Variants in PDE10A observed in about 807,000 individuals in gnomAD.
The protein encoded by PDE10A is cAMP and cAMP-inhibited cGMP 3',5'-cyclic phosphodiesterase 10A.
PDE10A carries 39 observed loss-of-function variants against 97.7 expected under a neutral mutation model. The observed-to-expected ratio is 0.40, with a 90% CI of 0.31 to 0.52. PDE10A has a LOEUF of 0.52. Among genes scored for constraint, PDE10A ranks in the 20% least tolerant of loss-of-function variants. PDE10A has a pLI of 0.56. For missense variants in PDE10A, 731 were observed against 1,047.8 expected, an observed-to-expected ratio of 0.70 and a Z score of 4.17; for synonymous variants, 371 against 376.8, an observed-to-expected ratio of 0.98 and a Z score of 0.18.
intron 1 of PDE10A, among the ~76,000 whole-genome samples, chr6:165,644,436 G>A (rs1157624578): frequency 2.0e-5 from 3 of 152,194 alleles, no homozygotes; most frequent in Non-Finnish European, 4.4e-5. Context: ...TTGGAAGTGG[G>A]TGTGCCCATA....
intron 1 of PDE10A, among the ~76,000 whole-genome samples, chr6:165,633,041 C>T (rs932749325): frequency 1.4e-5 from 2 of 147,870 alleles, no homozygotes; most frequent in African/African-American, 5.0e-5. Context: ...CTGGAAATAG[C>T]ATACCATACT....
intron 13 of PDE10A, among the ~76,000 whole-genome samples, chr6:165,410,161 T>C (rs534109248): frequency 1.3e-5 from 1 of 77,958 alleles, no homozygotes; most frequent in African/African-American, 4.8e-5. Context: ...CAAATTGCTG[T>C]AATACAAAGC....
rs150000526 is a variant in PDE10A at position 165,858,567 on chromosome 6, C to T, written c.-615+128962G>A. The stretch of plus-strand genomic sequence containing the variant: ...CTTCCCCATCTCTCAGGATTGCCCC[C>T]GAGGTCCACAGCAGATAAGATCACA... On this transcript the variant is annotated intron_variant, in intron 1 of 19. Coordinates refer to the PDE10A transcript ENST00000366882. Among the ~76,000 whole-genome samples the T allele has an allele frequency of 4.1e-3, 623 of 152,314 alleles. 3 individuals are homozygous for T. The highest frequency in any genetic ancestry group is 6.6e-3 in the Non-Finnish European group (448 of 68,030).
intron 1 of PDE10A, among the ~76,000 whole-genome samples, chr6:165,833,099 T>C (rs1248720123): frequency 6.6e-6 from 1 of 152,262 alleles, no homozygotes; most frequent in African/African-American, 2.4e-5. Context: ...TTTATTCTCC[T>C]ATTTGGTTAT....
intron 10 of PDE10A, among the ~76,000 whole-genome samples, chr6:165,420,018 A>C (rs1788583258): frequency 6.6e-6 from 1 of 152,194 alleles, no homozygotes; most frequent in African/African-American, 2.4e-5. Flanking sequence ...GGCTGTGCCC[A>C]CTACGCAGGG....
chr6:165,552,152 G>A (rs1784050534), intron 1 of PDE10A, among the ~76,000 whole-genome samples: 1 of 152,078 alleles, frequency 6.6e-6, no homozygotes. Flanking sequence ...TACACTTCAA[G>A]ACAGTCATCA....
chr6:165,658,421 C>G (rs1790071774), intron 1 of PDE10A, among the ~76,000 whole-genome samples: 1 of 152,138 alleles, frequency 6.6e-6, no homozygotes, highest in Non-Finnish European at 1.5e-5. Context: ...TCCTCCTTGA[C>G]CAGCCGGGGT....
intron 6 of PDE10A, among the ~76,000 whole-genome samples, chr6:165,434,816 C>T (rs1351207301): frequency 6.6e-6 from 1 of 152,176 alleles, no homozygotes; most frequent in East Asian, 1.9e-4. Flanking sequence ...CAGTCCAGAC[C>T]AGCAGAATAA....
chr6:165,432,214 T>C (rs981644316), intron 7 of PDE10A, among the ~76,000 whole-genome samples: 11 of 152,208 alleles, frequency 7.2e-5, no homozygotes, highest in East Asian at 1.9e-4. Context: ...ACAGGTGCTA[T>C]AGAGAAAAAG....
intron 1 of PDE10A, among the ~76,000 whole-genome samples, chr6:165,884,989 C>T (rs543253664): frequency 6.6e-6 from 1 of 152,126 alleles, no homozygotes; most frequent in African/African-American, 2.4e-5. Flanking sequence ...TACTGAATTC[C>T]GCCTAGACTG....
intron 1 of PDE10A, among the ~76,000 whole-genome samples, chr6:165,826,385 C>G (rs941386849): frequency 3.8e-5 from 5 of 132,102 alleles, no homozygotes; most frequent in Admixed American, 3.5e-4. Flanking sequence ...CCTCTGTCCT[C>G]ATGTCCCTCG....
At chr6:165,646,201 T>G (rs1269082517) in intron 1 of PDE10A, among the ~76,000 whole-genome samples, 1 of 152,198 alleles carries the variant, frequency 6.6e-6, no homozygotes, top group African/African-American at 2.4e-5. Flanking sequence ...TGTCATGAAG[T>G]CACAGCCTCT....
intron 2 of PDE10A, among the ~76,000 whole-genome samples, chr6:165,539,448 A>G (rs1241498643): frequency 3.3e-5 from 5 of 152,206 alleles, no homozygotes. Context: ...CAGGGAAACT[A>G]CCAGCTTGGA....
intron 1 of PDE10A, among the ~76,000 whole-genome samples, chr6:165,875,205 GC>G (rs201740766): frequency 0.012 from 1,800 of 152,220 alleles, 37 homozygotes; most frequent in Non-Finnish European, 0.014. Context: ...TTGTGCATGT[GC>G]TTTTCCTACC....
chr6:165,654,389 T>C (rs1223815506), intron 1 of PDE10A, among the ~76,000 whole-genome samples: 1 of 151,120 alleles, frequency 6.6e-6, no homozygotes, highest in East Asian at 2.0e-4. Flanking sequence ...CCTCCTCGGC[T>C]CACTCTCAGG....
At chr6:165,605,082 A>G (rs922638579) in intron 1 of PDE10A, among the ~76,000 whole-genome samples, 3 of 152,100 alleles carry the variant, frequency 2.0e-5, no homozygotes, top group African/African-American at 7.2e-5. Flanking sequence ...TGTCTTTATC[A>G]AATTTCATTG....
chr6:165,746,690 G>A (rs1792852089), intron 1 of PDE10A, among the ~76,000 whole-genome samples: 1 of 152,230 alleles, frequency 6.6e-6, no homozygotes. Flanking sequence ...TGGATGCCAA[G>A]GGCAGGCAAG....
intron 1 of PDE10A, among the ~76,000 whole-genome samples, chr6:165,692,672 C>T (rs575314278): frequency 4.1e-4 from 63 of 152,326 alleles, no homozygotes; most frequent in Non-Finnish European, 5.9e-4. Context: ...TCGGCAGTAA[C>T]GCATGCTGTA....
chr6:165,510,164 T>C (rs1330618272), intron 2 of PDE10A, among the ~76,000 whole-genome samples: 1 of 152,064 alleles, frequency 6.6e-6, no homozygotes, highest in Non-Finnish European at 1.5e-5. Context: ...AGGTCTTACA[T>C]GAAATGCTTT....
Sources: gnomAD v4.1 joint callset for allele counts (sites outside exome capture counted in the v4.1 genomes callset) on GRCh38, gnomAD v4.1.1 for gene constraint, MANE v1.5 for transcripts, NCBI Gene and HGNC (gene_info 2026-07-23, HGNC 2026-07-21) for gene names.